CCDC102B: variants seen among roughly 807,000 people sequenced by gnomAD.
CCDC102B encodes coiled-coil domain containing 102B.
In CCDC102B, 75 loss-of-function variants were observed where a neutral mutation model predicts 57.4. That is an observed-to-expected ratio of 1.31 (90% confidence interval 1.08 to 1.58). The LOEUF (loss-of-function observed/expected upper bound fraction) is 1.58, where lower values mean the gene tolerates loss of function less well. Ranked by LOEUF, CCDC102B falls within the 40% of genes most tolerant of loss-of-function variation. CCDC102B has a pLI of 0.00. For missense variants in CCDC102B, 636 were observed against 582.6 expected (o/e 1.09, Z -0.94); for synonymous variants, 206 against 201.9 (o/e 1.02, Z -0.17).
rs1176609311 is a variant in CCDC102B at position 69,054,323 on chromosome 18, A to C, written c.*186A>C. The C allele has an allele frequency of 1.6e-6, 2 of 1,248,284 alleles. No homozygotes were observed. Among genetic ancestry groups the C allele is most frequent in the Admixed American group, 8.4e-5 (2 of 23,870 alleles). The allele number at this position is 1,248,284 out of a possible 1,614,324, so 77.3% of individuals were successfully genotyped here. On this transcript the variant is annotated 3_prime_UTR_variant, in exon 8 of 8. Transcript: ENST00000360242. The stretch of plus-strand genomic sequence containing the variant: ...TGCCTAACAGATACTGCATATTCTC[A>C]AAAAGACAATTTAAATGTCATTTAA...
intron 6 of CCDC102B, among the ~76,000 whole-genome samples, chr18:68,933,176 C>T (rs1369778203): frequency 1.3e-5 from 2 of 151,724 alleles, no homozygotes; most frequent in African/African-American, 4.8e-5. Context: ...GGAGGTAGGA[C>T]CCAACATTTG....
intron 1 of CCDC102B, among the ~76,000 whole-genome samples, chr18:68,810,901 A>G (rs903915768): frequency 1.3e-5 from 2 of 151,558 alleles, no homozygotes; most frequent in Admixed American, 6.6e-5. Flanking sequence ...CCCTATGTCC[A>G]TGTTTTCTCA....
rs200342276 is a variant in CCDC102B at position 68,868,324 on chromosome 18, A to AT, written c.937-6339dup. Among the ~76,000 whole-genome samples, 1,355 of 152,204 alleles carry AT rather than the reference A, an allele frequency of 8.9e-3. 25 individuals are homozygous for AT. The highest frequency in any genetic ancestry group is 0.031 in the African/African-American group (1,274 of 41,540). ...TATTTTGACTTGAAGAATACAATAC[A>AT]TTTTTTGTTTGTTAAAGCTAAACAT... On this transcript the variant is annotated intron_variant, in intron 4 of 7. Coordinates refer to ENST00000360242, the MANE Select transcript of CCDC102B (RefSeq NM_024781.3).
intron 6 of CCDC102B, among the ~76,000 whole-genome samples, chr18:68,975,215 G>A (rs561149887): frequency 5.3e-5 from 8 of 152,018 alleles, no homozygotes; most frequent in Admixed American, 4.6e-4. Context: ...ATTGATTATT[G>A]TGTAAATTTT....
intron 2 of CCDC102B, among the ~76,000 whole-genome samples, chr18:68,784,961 A>G (rs190705283): frequency 6.9e-5 from 10 of 145,614 alleles, no homozygotes; most frequent in Middle Eastern, 3.5e-3. Flanking sequence ...ATATCTCCCA[A>G]TGCTATCCCT....
At chr18:68,991,724 T>C (rs1202877968) in intron 6 of CCDC102B, among the ~76,000 whole-genome samples, 1 of 152,224 alleles carries the variant, frequency 6.6e-6, no homozygotes, top group East Asian at 1.9e-4. Context: ...ATATTTGCAA[T>C]TCTTTAGAAG....
intron 6 of CCDC102B, among the ~76,000 whole-genome samples, chr18:68,938,970 T>C (rs1269704193): frequency 6.6e-6 from 1 of 151,820 alleles, no homozygotes; most frequent in Admixed American, 6.6e-5. Context: ...TTTGTGTATT[T>C]TACAGAAAAT....
At chr18:69,000,705 G>T (rs564796354) in intron 6 of CCDC102B, among the ~76,000 whole-genome samples, 3 of 152,202 alleles carry the variant, frequency 2.0e-5, no homozygotes, top group East Asian at 3.9e-4. Context: ...TATTATATTA[G>T]AATTTAAACA....
At chr18:68,942,919 A>T (rs1031781043) in intron 6 of CCDC102B, among the ~76,000 whole-genome samples, 1 of 103,154 alleles carries the variant, frequency 9.7e-6, no homozygotes, top group African/African-American at 2.8e-5. Context: ...TGGCTTTCCT[A>T]GGCAGAGGTC....
At chr18:68,795,991 G>A (rs2035616366), upstream of CCDC102B, among the ~76,000 whole-genome samples, 1 of 152,146 alleles carries the variant, frequency 6.6e-6, no homozygotes, top group South Asian at 2.1e-4. Flanking sequence ...ACATAATCTA[G>A]AAAAGTTGTG....
At chr18:68,826,375 C>G (rs541811453) in intron 1 of CCDC102B, among the ~76,000 whole-genome samples, 1 of 152,146 alleles carries the variant, frequency 6.6e-6, no homozygotes, top group Non-Finnish European at 1.5e-5. Flanking sequence ...TTCCTTGCCA[C>G]GTGGGCCTCT....
intron 7 of CCDC102B, among the ~76,000 whole-genome samples, chr18:69,048,931 G>T (rs1171116285): frequency 1.3e-5 from 2 of 151,302 alleles, no homozygotes; most frequent in Admixed American, 6.6e-5. Flanking sequence ...TAAACTCTTG[G>T]TTTTTTCATT....
intron 6 of CCDC102B, among the ~76,000 whole-genome samples, chr18:68,998,602 G>A (rs374069114): frequency 0.86 from 129,754 of 151,316 alleles, 57,593 homozygotes; most frequent in Non-Finnish European, 0.97. Context: ...CCAAAGTAGG[G>A]AAGCCAACAG....
intron 5 of CCDC102B, among the ~76,000 whole-genome samples, chr18:68,886,106 C>G (rs983811429): frequency 6.6e-6 from 1 of 151,724 alleles, no homozygotes; most frequent in African/African-American, 2.4e-5. Context: ...GGCAGTGGCT[C>G]ACTTCTGTAA....
chr18:68,876,849 G>C (rs1432364300), intron 5 of CCDC102B, among the ~76,000 whole-genome samples: 1 of 152,124 alleles, frequency 6.6e-6, no homozygotes, highest in African/African-American at 2.4e-5. Flanking sequence ...AGCTGTCACA[G>C]AGAAATATAC....
chr18:68,904,689 G>A (rs550332037), intron 6 of CCDC102B, among the ~76,000 whole-genome samples: 1 of 149,938 alleles, frequency 6.7e-6, no homozygotes, highest in South Asian at 2.1e-4. Context: ...TCAAATGCAT[G>A]CACACACACA....
chr18:68,802,618 A>G (rs1055008862), intron 1 of CCDC102B, among the ~76,000 whole-genome samples: 8 of 152,208 alleles, frequency 5.3e-5, no homozygotes, highest in African/African-American at 1.9e-4. Context: ...AAGCATAGGT[A>G]CTGAATGCAA....
chr18:68,908,434 T>G (rs1465254750), intron 6 of CCDC102B: 1 of 152,228 alleles, frequency 6.6e-6, no homozygotes, highest in Non-Finnish European at 1.5e-5. Context: ...TCCTTGATTT[T>G]TTCAATGATT....
At chr18:68,782,574 T>G (rs1405335536) in intron 2 of CCDC102B, among the ~76,000 whole-genome samples, 1 of 152,074 alleles carries the variant, frequency 6.6e-6, no homozygotes, top group Non-Finnish European at 1.5e-5. Context: ...AGTTATGATA[T>G]CCTCAGCTTT....
Sources: gnomAD v4.1 joint callset for allele counts (sites outside exome capture counted in the v4.1 genomes callset) on GRCh38, gnomAD v4.1.1 for gene constraint, MANE v1.5 for transcripts, NCBI Gene and HGNC (gene_info 2026-07-23, HGNC 2026-07-21) for gene names.